Variants in SUPT3H observed in about 807,000 individuals in gnomAD.
The protein encoded by SUPT3H is SPT3 homolog, SAGA and STAGA complex component, also known as transcription initiation protein SPT3 homolog.
A neutral mutation model predicts 44.3 loss-of-function variants in SUPT3H; 44 were observed. That is an observed-to-expected ratio of 0.99 (90% confidence interval 0.78 to 1.28). SUPT3H has a LOEUF of 1.28. SUPT3H is among the 50% of genes most tolerant of loss of function. The probability of loss-of-function intolerance (pLI) is 0.00; values close to 1 mark genes in which losing one functional copy is unlikely to be tolerated. For synonymous variants in SUPT3H, 124 were observed against 125.6 expected, an observed-to-expected ratio of 0.99 and a Z score of 0.09; for missense variants, 380 against 387.1, an observed-to-expected ratio of 0.98 and a Z score of 0.15.
chr6:45,343,288 C>T lies in SUPT3H; in HGVS notation c.101+21913G>A, dbSNP rs1790203358. Among the ~76,000 whole-genome samples the T allele has an allele frequency of 6.6e-5, 10 of 151,976 alleles. 1 individual carries two copies. In the South Asian group the frequency reaches 1.5e-3, roughly 22 times the overall value. The stretch of plus-strand genomic sequence containing the variant: ...ACTTTGGGAGGCCGAGGCGGGCAGA[C>T]CAAGAAGATCAAGACCATCCTGGCC... On this transcript the variant is annotated intron_variant, in intron 2 of 10. Transcript: ENST00000371459.
chr6:45,066,463 G>A (rs1793335040), intron 3 of SUPT3H, among the ~76,000 whole-genome samples: 1 of 70,326 alleles, frequency 1.4e-5, no homozygotes, highest in South Asian at 6.6e-4. Flanking sequence ...TCTGGCCAGG[G>A]CAATTAGGCA....
chr6:45,289,037 A>G (rs540497173), intron 2 of SUPT3H, among the ~76,000 whole-genome samples: 6 of 152,236 alleles, frequency 3.9e-5, no homozygotes, highest in African/African-American at 1.4e-4. Flanking sequence ...TCGGGCCAGG[A>G]TTAGTAACAC....
In SUPT3H at chr6:44,954,511, T is replaced by C. The variant is rs1437835946; in HGVS notation, c.677A>G (p.Tyr226Cys). 3.1e-6 allele frequency: 5 copies of C among 1,613,846 alleles called. No homozygotes were observed. In the East Asian group the frequency reaches 6.7e-5, roughly 22 times the overall value. ...AATTCTTACCTGTGCCACAGTTTCATACGCTAAATATGCTAAGATTTCCAT... is the reference window on the plus strand; with the variant it reads ...AATTCTTACCTGTGCCACAGTTTCACACGCTAAATATGCTAAGATTTCCAT... ...VAMEILAYLA[Y>C]ETVAQLVDLA... Residue 226 changes from tyrosine to cysteine, a missense_variant, in exon 8 of 11, where the codon TAT becomes TGT. Coordinates refer to ENST00000371459, the MANE Select transcript of SUPT3H (RefSeq NM_003599.4).
chr6:45,012,809 C>G lies in SUPT3H; in HGVS notation c.364+1992G>C, dbSNP rs1306736212. 3.9e-5 allele frequency among the ~76,000 whole-genome samples: 6 copies of G among 152,140 alleles called. No individual in the cohort carries two copies. In the East Asian group the frequency reaches 1.2e-3, roughly 29 times the overall value. Reference sequence around the variant, plus strand: ...AAATCTAGACAACTCCCTCCCCTCCCTGGGGCTTGTCATTGTTTATTTCAT... The same window carrying G: ...AAATCTAGACAACTCCCTCCCCTCCGTGGGGCTTGTCATTGTTTATTTCAT... On this transcript the variant is annotated intron_variant, in intron 5 of 10. Transcript: ENST00000371459.
intron 9 of SUPT3H, among the ~76,000 whole-genome samples, chr6:44,936,869 A>G (rs1771520510): frequency 6.6e-6 from 1 of 151,960 alleles, no homozygotes; most frequent in South Asian, 2.1e-4. Flanking sequence ...GTTTTGCCAC[A>G]TTAGCCAGGC....
At chr6:45,102,796 G>A (rs1798761906) in intron 3 of SUPT3H, among the ~76,000 whole-genome samples, 1 of 152,008 alleles carries the variant, frequency 6.6e-6, no homozygotes, top group South Asian at 2.1e-4. Flanking sequence ...CAAAAAATTA[G>A]CTGGGCGTGG....
intron 6 of SUPT3H, among the ~76,000 whole-genome samples, chr6:45,003,052 T>C (rs888328528): frequency 5.3e-5 from 8 of 152,132 alleles, no homozygotes; most frequent in African/African-American, 1.9e-4. Context: ...TTTCCTTTAG[T>C]GTTTAAAGAA....
chr6:45,316,466 TA>T (rs1404943777), intron 2 of SUPT3H, among the ~76,000 whole-genome samples: 2 of 150,074 alleles, frequency 1.3e-5, no homozygotes, highest in Non-Finnish European at 3.0e-5. Context: ...AAAGAAATAA[TA>T]GGCATCCAAA....
chr6:44,918,472 C>A (rs980921960), intron 10 of SUPT3H, among the ~76,000 whole-genome samples: 1 of 152,124 alleles, frequency 6.6e-6, no homozygotes, highest in Non-Finnish European at 1.5e-5. Flanking sequence ...ATAAAGAGAT[C>A]GATGATATAC....
chr6:45,282,469 T>C (rs560788688), intron 2 of SUPT3H, among the ~76,000 whole-genome samples: 2 of 152,010 alleles, frequency 1.3e-5, no homozygotes, highest in Non-Finnish European at 2.9e-5. Context: ...TTCGATCAAC[T>C]GGAAGAAAGG....
intron 10 of SUPT3H, among the ~76,000 whole-genome samples, chr6:44,886,563 A>T (rs1762325612): frequency 1.3e-5 from 2 of 152,194 alleles, no homozygotes; most frequent in African/African-American, 4.8e-5. Flanking sequence ...AGACAAGCAA[A>T]TGCTGAGAGA....
In SUPT3H at chr6:45,080,275, T is replaced by C. The variant is rs974806105; in HGVS notation, c.186+25647A>G. On this transcript the variant is annotated intron_variant, in intron 3 of 10. Coordinates refer to ENST00000371459, the MANE Select transcript of SUPT3H (RefSeq NM_003599.4). ...CTCACCCCAGTTAAAATGGCTTTTA[T>C]CCAAAAGGCAATAACAAATATTGGT... Among the ~76,000 whole-genome samples, 6 of 152,222 alleles carry C rather than the reference T, an allele frequency of 3.9e-5. No homozygotes were observed. The East Asian group carries it at 5.8e-4, about 15-fold the overall frequency.
intron 2 of SUPT3H, among the ~76,000 whole-genome samples, chr6:45,168,291 C>G (rs1344265414): frequency 2.0e-5 from 3 of 152,106 alleles, no homozygotes; most frequent in Non-Finnish European, 4.4e-5. Flanking sequence ...ATCCAAAATG[C>G]TTGGGATCGG....
intron 2 of SUPT3H, among the ~76,000 whole-genome samples, chr6:45,339,631 TA>T (rs1355614590): frequency 6.6e-6 from 1 of 152,134 alleles, no homozygotes; most frequent in Non-Finnish European, 1.5e-5. Context: ...GAGGATTCCA[TA>T]AGATGACTAT....
At chr6:45,269,708 C>A (rs1225654556) in intron 2 of SUPT3H, among the ~76,000 whole-genome samples, 3 of 152,172 alleles carry the variant, frequency 2.0e-5, no homozygotes, top group Admixed American at 1.3e-4. Flanking sequence ...TTGCTTTATA[C>A]ACTTGCCTCC....
chr6:45,285,318 T>C (rs996087171), intron 2 of SUPT3H, among the ~76,000 whole-genome samples: 8 of 152,188 alleles, frequency 5.3e-5, no homozygotes, highest in Non-Finnish European at 8.8e-5. Context: ...TGTCTGCAGA[T>C]GACATGATTG....
In SUPT3H at chr6:44,829,188, A is replaced by C. The variant is rs1768169883; in HGVS notation, c.*628T>G. 6.6e-6 allele frequency: 1 copy of C among 152,438 alleles called. No homozygotes were observed. Among genetic ancestry groups the C allele is most frequent in the African/African-American group, 2.4e-5 (1 of 41,438 alleles). 9.4% of individuals were successfully genotyped at this position (152,438 alleles called of 1,614,324 possible). On this transcript the variant is annotated 3_prime_UTR_variant, in exon 11 of 11. Coordinates refer to ENST00000371459, the MANE Select transcript of SUPT3H (RefSeq NM_003599.4). ...GAGGAAGAGGTTCTGTGTGAGGAAA[A>C]ACACACATGAAAGGCAGATGGCAGG...
chr6:45,214,015 C>CAAAAAAAAAAAAAA (rs11418358), intron 2 of SUPT3H, among the ~76,000 whole-genome samples: 21 of 74,090 alleles, frequency 2.8e-4, no homozygotes, highest in Admixed American at 3.6e-4. Flanking sequence ...TTTTGAAATG[C>CAAAAAAAAAAAAAA]AAAAAAAAAA....
intron 2 of SUPT3H, among the ~76,000 whole-genome samples, chr6:45,162,595 A>G (rs1809194410): frequency 2.6e-5 from 4 of 152,146 alleles, no homozygotes; most frequent in Admixed American, 2.0e-4. Context: ...AAAACTCCCT[A>G]TTTAAGGCCA....
Sources: allele counts gnomAD v4.1 joint callset (sites outside exome capture counted in the v4.1 genomes callset), GRCh38; gene constraint gnomAD v4.1.1; transcripts MANE v1.5; gene names NCBI Gene and HGNC (gene_info 2026-07-23, HGNC 2026-07-21).